The following PCDH15 variants were observed in gnomAD, a reference collection of about 807,000 sequenced individuals.
PCDH15 encodes protocadherin-15.
A neutral mutation model predicts 178.5 loss-of-function variants in PCDH15; 129 were observed. That is an observed-to-expected ratio of 0.72 (90% CI 0.63 to 0.84). The LOEUF (loss-of-function observed/expected upper bound fraction) is 0.84. Among genes scored for constraint, PCDH15 ranks in the 40% least tolerant of loss-of-function variants. PCDH15 has a pLI of 0.00. For missense variants in PCDH15, 2,230 were observed against 2,099.9 expected (o/e 1.06, Z -1.21); for synonymous variants, 800 against 732.0 (o/e 1.09, Z -1.50).
intron 2 of PCDH15, among the ~76,000 whole-genome samples, chr10:55,456,065 T>C (rs11004871): frequency 0.37 from 56,913 of 151,990 alleles, 12,126 homozygotes; most frequent in African/African-American, 0.59. Context: ...TGATAGGGCA[T>C]ATGCCAGTTG....
At chr10:54,295,278 T>C (rs1031879692) in intron 8 of PCDH15, among the ~76,000 whole-genome samples, 2 of 151,602 alleles carry the variant, frequency 1.3e-5, no homozygotes, top group Non-Finnish European at 2.9e-5. Flanking sequence ...CAATAAGTGC[T>C]CTGTAAAATG....
chr10:55,417,814 CACA>C (rs1433368701), intron 2 of PCDH15, among the ~76,000 whole-genome samples: 1 of 148,332 alleles, frequency 6.7e-6, no homozygotes, highest in Non-Finnish European at 1.5e-5. Context: ...CCACCCAGAA[CACA>C]ACAAGAAGAG....
chr10:54,244,244 T>C (rs2055697707), intron 8 of PCDH15, among the ~76,000 whole-genome samples: 2 of 152,178 alleles, frequency 1.3e-5, no homozygotes, highest in African/African-American at 4.8e-5. Flanking sequence ...TTCCAAAATG[T>C]GCATTTCAGT....
chr10:55,586,542 T>A (rs970874037), intron 2 of PCDH15, among the ~76,000 whole-genome samples: 2 of 152,078 alleles, frequency 1.3e-5, no homozygotes, highest in Non-Finnish European at 2.9e-5. Context: ...AAATTTATAA[T>A]CATTACTGAA....
chr10:55,024,270 G>GAT (rs1053110417), intron 2 of PCDH15, among the ~76,000 whole-genome samples: 2 of 146,084 alleles, frequency 1.4e-5, no homozygotes, highest in African/African-American at 5.0e-5. Context: ...CACACTCATA[G>GAT]ATATAGGAAG....
chr10:55,551,631 T>C (rs2132088483), intron 2 of PCDH15, among the ~76,000 whole-genome samples: 1 of 151,886 alleles, frequency 6.6e-6, no homozygotes, highest in East Asian at 1.9e-4. Context: ...TTAACCTCAA[T>C]TTGTGGATAT....
rs532369539 is a variant in PCDH15 at position 55,278,057 on chromosome 10, G to A, written c.-156+41542C>T. On this transcript the variant is annotated intron_variant, in intron 1 of 5. Transcript: ENST00000458638. Reference sequence around the variant, plus strand: ...AAGCCTTGTGGTACTTGTCTGAATGGACAGAAAAAGATACATCATAAACTA... The same window carrying A: ...AAGCCTTGTGGTACTTGTCTGAATGAACAGAAAAAGATACATCATAAACTA... Among the ~76,000 whole-genome samples the A allele has an allele frequency of 2.6e-5, 4 of 152,090 alleles. No homozygotes were observed. The East Asian group carries it at 7.7e-4, about 29-fold the overall frequency.
chr10:54,052,881 G>A (rs2093808513), intron 18 of PCDH15, among the ~76,000 whole-genome samples: 1 of 152,124 alleles, frequency 6.6e-6, no homozygotes, highest in Non-Finnish European at 1.5e-5. Flanking sequence ...CTGTTCTCAT[G>A]ATACTACGTT....
intron 18 of PCDH15, among the ~76,000 whole-genome samples, chr10:54,032,594 T>C (rs544918637): frequency 6.6e-6 from 1 of 152,096 alleles, no homozygotes; most frequent in Admixed American, 6.6e-5. Context: ...AAAGAAGGTA[T>C]GTTTTCTGTT....
intron 2 of PCDH15, among the ~76,000 whole-genome samples, chr10:55,399,869 C>T (rs979581567): frequency 1.3e-5 from 2 of 151,998 alleles, no homozygotes; most frequent in Non-Finnish European, 2.9e-5. Context: ...CACAATATAG[C>T]TTAAAATAAC....
At chr10:54,351,807 C>G (rs770802908) in intron 5 of PCDH15, among the ~76,000 whole-genome samples, 6 of 152,154 alleles carry the variant, frequency 3.9e-5, no homozygotes, top group Admixed American at 1.3e-4. Flanking sequence ...ACTGTGAAGT[C>G]TAGTTCTTCC....
At position 53,863,895 on chromosome 10, in the gene PCDH15, G is replaced by A. The variant is rs551692591; in HGVS notation, c.3717+2747C>T. On this transcript the variant is annotated intron_variant, in intron 27 of 37. Coordinates refer to ENST00000644397, the MANE Select transcript of PCDH15 (RefSeq NM_001384140.1). ...AGAATGTTGGTCTAGATCCTGGAGG[G>A]TAGGTAAATTTAGTGGCAGGAGTCA... is the stretch of plus-strand genomic sequence containing the variant. 1.5e-3 allele frequency among the ~76,000 whole-genome samples: 227 copies of A among 152,258 alleles called. 2 individuals are homozygous for A. The highest frequency in any genetic ancestry group is 1.4e-3 in the South Asian group (7 of 4,828).
chr10:54,949,789 G>C (rs1838289417), intron 2 of PCDH15, among the ~76,000 whole-genome samples: 1 of 151,926 alleles, frequency 6.6e-6, no homozygotes, highest in African/African-American at 2.4e-5. Flanking sequence ...TAGATCTCTA[G>C]GACAGGGGCC....
chr10:55,199,522 T>C (rs919483027), intron 1 of PCDH15, among the ~76,000 whole-genome samples: 1 of 151,426 alleles, frequency 6.6e-6, no homozygotes, highest in Non-Finnish European at 1.5e-5. Flanking sequence ...CCTGACCACG[T>C]GGAAGAAAAA....
At chr10:55,222,728 CACATATATATAT>C (rs1217011526) in intron 1 of PCDH15, among the ~76,000 whole-genome samples, 2 of 49,730 alleles carry the variant, frequency 4.0e-5, no homozygotes, top group Non-Finnish European at 4.5e-5. Context: ...CACACACACA[CACATATATATAT>C]ATATATATAT....
chr10:53,807,129 C>A lies in PCDH15; in HGVS notation c.4673G>T (p.Trp1558Leu). 1 of 1,585,470 alleles carries A rather than the reference C, an allele frequency of 6.3e-7. No homozygotes were observed. The highest frequency in any genetic ancestry group is 8.6e-7 in the Non-Finnish European group (1 of 1,167,058). Reference sequence around the variant, plus strand: ...TAACTTGATCATTCTTTTTCTTGCCCACTGATAAAATAAACAAAAATATGT... The same window carrying A: ...TAACTTGATCATTCTTTTTCTTGCCAACTGATAAAATAAACAAAAATATGT... ...EAEEEYEEEE[W>L]ARKRMIKLVV... is the part of the protein sequence containing the mutation. The change falls in exon 38 of 38, where the codon TGG (tryptophan) becomes TTG (leucine). Residue 1558 changes from tryptophan (W) to leucine (L), a missense_variant and splice_region_variant. Transcript: ENST00000644397.
Position 54,714,126 on chromosome 10 carries a change from T to C in PCDH15, c.-28-49836A>G, listed in dbSNP as rs539871177. On this transcript the variant is annotated intron_variant, in intron 1 of 37. Transcript: ENST00000644397. ...ATTTTCTTTCACAACTTCACAGTTA[T>C]ACAGGACTTAGAAAGAACAATGTCA... 3.5e-4 allele frequency among the ~76,000 whole-genome samples: 54 copies of C among 152,256 alleles called. 1 individual carries two copies. The South Asian group carries it at 5.2e-3, about 15-fold the overall frequency.
intron 3 of PCDH15, among the ~76,000 whole-genome samples, chr10:54,873,695 T>TTTATA (rs1554809277): frequency 7.2e-6 from 1 of 138,928 alleles, no homozygotes. Flanking sequence ...CTGCTGTATT[T>TTTATA]TATATATATA....
chr10:54,599,981 C>G lies in PCDH15; in HGVS notation c.91+64191G>C, dbSNP rs562104409. 6.5e-5 allele frequency: 81 copies of G among 1,252,714 alleles called. No individual in the cohort carries two copies. In the African/African-American group the frequency reaches 1.1e-3, roughly 17 times the overall value. The allele number at this position is 1,252,714 out of a possible 1,614,324, so 77.6% of individuals were successfully genotyped here. On this transcript the variant is annotated intron_variant, in intron 2 of 37. Coordinates refer to ENST00000644397, the MANE Select transcript of PCDH15 (RefSeq NM_001384140.1). ...GTGGAAAAGCCAGAAAAAGCCAAGT[C>G]TACTGTGCCAAAATCACCAAAGGAA...
Sources: allele counts gnomAD v4.1 joint callset (sites outside exome capture counted in the v4.1 genomes callset), GRCh38; gene constraint gnomAD v4.1.1; transcripts MANE v1.5; gene names NCBI Gene and HGNC (gene_info 2026-07-23, HGNC 2026-07-21).